Variants in MRPL38 observed in about 807,000 individuals in gnomAD.
MRPL38 encodes the protein mitochondrial ribosomal protein L38, also known as large ribosomal subunit protein mL38.
Under a neutral mutation model 52.1 loss-of-function variants are expected in MRPL38, and 51 were observed. The ratio of observed to expected loss-of-function variants is 0.98; its 90% CI spans 0.78 to 1.24. The LOEUF is 1.24. Ranked by LOEUF, MRPL38 falls within the 50% of genes most tolerant of loss-of-function variation. MRPL38 has a pLI of 0.00. For missense variants in MRPL38, 527 were observed against 518.6 expected (o/e 1.02, Z -0.16); for synonymous variants, 245 against 212.7 (o/e 1.15, Z -1.32).
Position 75,898,995 on chromosome 17 carries a change from AGAGT to A in MRPL38, c.1007-13_1007-10del. The A allele has an allele frequency of 1.3e-6, 2 of 1,590,734 alleles. No individual in the cohort carries two copies. Among genetic ancestry groups the A allele is most frequent in the African/African-American group, 2.7e-5 (2 of 74,792 alleles). On this transcript the variant is annotated splice_polypyrimidine_tract_variant and intron_variant, in intron 8 of 8. Transcript: ENST00000309352. Reference sequence around the variant, plus strand: ...CACCGGCTCCCGCATGTCTGCAAGAAGAGTGAGGGGTACGGGGTGGTCTGCTGGC... The same window carrying A: ...CACCGGCTCCCGCATGTCTGCAAGAAGAGGGGTACGGGGTGGTCTGCTGGC...
At chr17:75,904,428 C>A in intron 2 of MRPL38, 112 bp downstream of exon 2, 1 of 1,179,922 alleles carries the variant, frequency 8.5e-7, no homozygotes, top group Non-Finnish European at 1.2e-6. Context: ...CTCCCAGCGT[C>A]CCCAGCATCC....
intron 1 of MRPL38, 39 bp downstream of exon 1, chr17:75,904,770 G>GGGGGGCCCC: frequency 2.2e-5 from 11 of 500,000 alleles, no homozygotes; most frequent in Non-Finnish European, 2.8e-5. Flanking sequence ...TCGGGCGACA[G>GGGGGGCCCC]CCCCCCCCCC....
chr17:75,899,379 G>A, intron 7 of MRPL38, 85 bp from the exon 8 acceptor site: 1 of 1,540,744 alleles, frequency 6.5e-7, no homozygotes, highest in Non-Finnish European at 8.8e-7. Flanking sequence ...AACCCTGAGA[G>A]GCCCCTGGGA....
chr17:75,899,505 G>A lies in MRPL38; in HGVS notation c.869+11C>T. 1.9e-6 allele frequency: 3 copies of A among 1,572,332 alleles called. No homozygotes were observed. Among genetic ancestry groups the A allele is most frequent in the South Asian group, 1.2e-5 (1 of 85,804 alleles). The stretch of plus-strand genomic sequence containing the variant: ...CCTGAGGCCGGGTTATGTGTGGGTG[G>A]TGTAGATTACCAGGGTGAGGGGCGT... On this transcript the variant is annotated intron_variant, in intron 7 of 8. Transcript: ENST00000309352.
intron 8 of MRPL38, 55 bp downstream of exon 8, chr17:75,899,103 C>G (rs1269382303): frequency 9.7e-6 from 15 of 1,554,392 alleles, no homozygotes; most frequent in African/African-American, 1.4e-5. Context: ...CCTGGCAGGG[C>G]AGGCGAGGCC....
intron 6 of MRPL38, chr17:75,900,758 G>A (rs975725244): frequency 1.1e-5 from 15 of 1,355,356 alleles, no homozygotes; most frequent in Non-Finnish European, 1.4e-5. Flanking sequence ...AGATGAGGAG[G>A]CTTGTGGGGA....
chr17:75,902,490 T>C (rs1410947931), intron 2 of MRPL38, among the ~76,000 whole-genome samples: 3 of 152,070 alleles, frequency 2.0e-5, no homozygotes, highest in Admixed American at 2.0e-4. Context: ...CAAGTGATCC[T>C]CCTGCCTCAG....
chr17:75,902,761 G>A (rs1250906654), intron 2 of MRPL38, among the ~76,000 whole-genome samples: 13 of 152,110 alleles, frequency 8.5e-5, no homozygotes, highest in Admixed American at 6.5e-5. Flanking sequence ...TCACTCTCTC[G>A]CCCAGGCTGG....
Position 75,901,122 on chromosome 17 carries a change from G to A in MRPL38, c.664+79C>T, listed in dbSNP as rs2065402383. 5 of 1,595,986 alleles carry A rather than the reference G, an allele frequency of 3.1e-6. No individual in the cohort carries two copies. Among genetic ancestry groups the A allele is most frequent in the Admixed American group, 1.7e-5 (1 of 57,346 alleles). Reference sequence around the variant, plus strand: ...AGCCAGCGCTGGAGATCTCCACCTGGCCCCTCCCCCAGCCCCCCAGGGCCC... The same window carrying A: ...AGCCAGCGCTGGAGATCTCCACCTGACCCCTCCCCCAGCCCCCCAGGGCCC... On this transcript the variant is annotated intron_variant, in intron 5 of 8. Coordinates refer to ENST00000309352, the MANE Select transcript of MRPL38 (RefSeq NM_032478.4). The surrounding 1 kb of genome is among the most constrained non-coding windows in gnomAD (Gnocchi z 5.7).
In MRPL38 at chr17:75,901,055, G is replaced by C. The variant is rs200696856; in HGVS notation, c.665-28C>G. The C allele has an allele frequency of 6.2e-7, 1 of 1,608,234 alleles. No individual in the cohort carries two copies. Among genetic ancestry groups the C allele is most frequent in the Admixed American group, 1.7e-5 (1 of 59,402 alleles). On this transcript the variant is annotated intron_variant, in intron 5 of 8. Coordinates refer to ENST00000309352, the MANE Select transcript of MRPL38 (RefSeq NM_032478.4). The surrounding 1 kb of genome is among the most constrained non-coding windows in gnomAD (Gnocchi z 5.7). ...GCACAAAAACACACCTGCTGACCACGGCCCAGCCGACCACGGCCCTGCCAC... is the reference window on the plus strand; with the variant it reads ...GCACAAAAACACACCTGCTGACCACCGCCCAGCCGACCACGGCCCTGCCAC...
rs902081079 is a variant in MRPL38 at position 75,904,686 on chromosome 17, G to C, written c.101C>G (p.Pro34Arg). The change falls in exon 2 of 9, where the codon CCG (proline) becomes CGG (arginine). Residue 34 changes from proline (P) to arginine (R), a missense_variant. Physicochemically the swap from Pro to Arg is moderately radical, Grantham distance 103 (BLOSUM62 -2). Coordinates refer to ENST00000309352, the MANE Select transcript of MRPL38 (RefSeq NM_032478.4). ...CAAGTCGATGTCACTGTTGGGCATC[G>C]GCCCCAGCGGGGGTGTCCGGCGGCC... The part of the protein sequence containing the change: ...VLGRRTPPLG[P>R]MPNSDIDLSN... The C allele has an allele frequency of 6.6e-5, 105 of 1,595,024 alleles. No individual in the cohort carries two copies. The highest frequency in any genetic ancestry group is 9.0e-5 in the East Asian group (4 of 44,652).
intron 1 of MRPL38, 41 bp downstream of exon 1, chr17:75,904,768 C>CGGGGGGGGGGGGGGG: frequency 9.5e-7 from 1 of 1,056,386 alleles, no homozygotes; most frequent in Non-Finnish European, 1.2e-6. Context: ...GCTCGGGCGA[C>CGGGGGGGGGGGGGGG]AGCCCCCCCC....
Position 75,901,146 on chromosome 17 carries a change from C to T in MRPL38, c.664+55G>A. 5.0e-6 allele frequency: 8 copies of T among 1,607,132 alleles called. No individual in the cohort carries two copies. Among genetic ancestry groups the T allele is most frequent in the Non-Finnish European group, 5.9e-6 (7 of 1,177,204 alleles). On this transcript the variant is annotated intron_variant, in intron 5 of 8. Transcript: ENST00000309352. This position sits in a 1 kb window ranked among gnomAD's most constrained non-coding sequence, Gnocchi z 5.7. ...GGCCCCTCCCCCAGCCCCCCAGGGC[C>T]CTGGCTCATAGGAGGTGAGCGGGGC...
Position 75,902,060 on chromosome 17 carries a change from C to T in MRPL38, c.342G>A (p.Arg114=), listed in dbSNP as rs143956348. The change falls in exon 3 of 9, where the codon CGG becomes CGA. Residue 114 remains arginine, a synonymous_variant. Coordinates refer to ENST00000309352, the MANE Select transcript of MRPL38 (RefSeq NM_032478.4). The stretch of plus-strand genomic sequence containing the variant: ...CAGCCCGCTCCTCTTCCACATTGGC[C>T]CGAAGCTCCTGGATGGCCTGTTTCC... The part of the protein sequence containing the change: ...LERKQAIQEL[R]ANVEEERAAR... The T allele has an allele frequency of 3.5e-5, 57 of 1,612,896 alleles. No homozygotes were observed. The African/African-American group carries it at 6.9e-4, about 20-fold the overall frequency.
chr17:75,902,888 AT>A (rs971626193), intron 2 of MRPL38, among the ~76,000 whole-genome samples: 1 of 151,860 alleles, frequency 6.6e-6, no homozygotes. Flanking sequence ...TGCCCGACTA[AT>A]TTTTTTTGTA....
intron 2 of MRPL38, among the ~76,000 whole-genome samples, chr17:75,902,625 C>G (rs2065410106): frequency 6.6e-6 from 1 of 152,220 alleles, no homozygotes. Flanking sequence ...CTCTGCTGCT[C>G]AAGCTTTCCC....
At chr17:75,902,316 C>A in intron 2 of MRPL38, 162 bp from the exon 3 acceptor site, 1 of 744,788 alleles carries the variant, frequency 1.3e-6, no homozygotes, top group South Asian at 1.9e-5. Context: ...ATTGCCCAGG[C>A]TGGTATGAAC....
In MRPL38 at chr17:75,901,302, C is replaced by T; in HGVS notation, c.592-29G>A. 6.2e-7 allele frequency: 1 copy of T among 1,608,620 alleles called. No individual in the cohort carries two copies. Among genetic ancestry groups the T allele is most frequent in the Non-Finnish European group, 8.5e-7 (1 of 1,177,254 alleles). On this transcript the variant is annotated intron_variant, in intron 4 of 8. Coordinates refer to ENST00000309352, the MANE Select transcript of MRPL38 (RefSeq NM_032478.4). This position sits in a 1 kb window ranked among gnomAD's most constrained non-coding sequence, Gnocchi z 5.7. ...GCAGGGTGAGAAGGAAGCTGTCAGC[C>T]CCACCAGGGACAGGCCAGCTGTTGC...
intron 1 of MRPL38, 40 bp downstream of exon 1, chr17:75,904,769 A>AGGGGGGGGGGGG: frequency 8.8e-6 from 4 of 454,466 alleles, no homozygotes; most frequent in Non-Finnish European, 1.0e-5. Context: ...CTCGGGCGAC[A>AGGGGGGGGGGGG]GCCCCCCCCC....
Sources: allele counts gnomAD v4.1 joint callset (sites outside exome capture counted in the v4.1 genomes callset), GRCh38; gene constraint gnomAD v4.1.1; non-coding constraint Gnocchi (gnomAD v3.1); transcripts MANE v1.5; gene names NCBI Gene and HGNC (gene_info 2026-07-23, HGNC 2026-07-21).